RFTN1: variants seen among roughly 807,000 people sequenced by gnomAD.
The protein encoded by RFTN1 is raftlin.
RFTN1 carries 26 observed loss-of-function variants against 46.5 expected under a neutral mutation model. That is an observed-to-expected ratio of 0.56 (90% CI 0.41 to 0.78). The LOEUF (loss-of-function observed/expected upper bound fraction) is 0.78. RFTN1 is among the 30% of genes least tolerant of loss of function. The probability of loss-of-function intolerance (pLI) is 0.00; values close to 1 mark genes in which losing one functional copy is unlikely to be tolerated. For missense variants in RFTN1, 693 were observed against 718.7 expected, an observed-to-expected ratio of 0.96 and a Z score of 0.41; for synonymous variants, 261 against 284.2, an observed-to-expected ratio of 0.92 and a Z score of 0.82.
chr3:16,501,710 C>T (rs1309798882), intron 1 of RFTN1, among the ~76,000 whole-genome samples: 1 of 152,220 alleles, frequency 6.6e-6, no homozygotes, highest in Non-Finnish European at 1.5e-5. Context: ...AAAGTAAGAA[C>T]TGATCATCCA....
chr3:16,377,205 A>ATCCCTT (rs2073808728), intron 5 of RFTN1, among the ~76,000 whole-genome samples: 1 of 152,076 alleles, frequency 6.6e-6, no homozygotes, highest in Non-Finnish European at 1.5e-5. Flanking sequence ...AAGACCAAGC[A>ATCCCTT]GAGAGGCGTG....
intron 7 of RFTN1, among the ~76,000 whole-genome samples, chr3:16,350,713 T>G (rs767000253): frequency 3.9e-4 from 59 of 152,096 alleles, no homozygotes; most frequent in Non-Finnish European, 7.8e-4. Context: ...TGGGAGGGGT[T>G]TGGGTGTTGA....
At chr3:16,401,777 C>T (rs2074607747) in intron 4 of RFTN1, among the ~76,000 whole-genome samples, 1 of 152,202 alleles carries the variant, frequency 6.6e-6, no homozygotes, top group Non-Finnish European at 1.5e-5. Flanking sequence ...AGAAACCTCA[C>T]AAGAAAATAT....
intron 1 of RFTN1, among the ~76,000 whole-genome samples, chr3:16,510,394 T>A (rs2076877946): frequency 6.6e-6 from 1 of 152,190 alleles, no homozygotes; most frequent in African/African-American, 2.4e-5. Flanking sequence ...CAATCAATCT[T>A]CTTTCACAAC....
intron 4 of RFTN1, among the ~76,000 whole-genome samples, chr3:16,404,184 A>ATT (rs370069999): frequency 0.025 from 2 of 80 alleles, 1 homozygote; most frequent in Non-Finnish European, 0.042. Context: ...TTTTATATAT[A>ATT]ATATATAATA....
intron 5 of RFTN1, among the ~76,000 whole-genome samples, chr3:16,377,094 G>A (rs1369266356): frequency 1.3e-5 from 2 of 152,052 alleles, no homozygotes; most frequent in Non-Finnish European, 2.9e-5. Flanking sequence ...ATTTCCTGAA[G>A]AAAGTAGAGA....
At chr3:16,357,810 C>T (rs1575114181) in intron 7 of RFTN1, 122 bp downstream of exon 7, 1 of 676,654 alleles carries the variant, frequency 1.5e-6, no homozygotes, top group South Asian at 1.8e-5. Flanking sequence ...TAGGACCTAC[C>T]AGGTCAACTC....
In RFTN1 at chr3:16,481,418, G is replaced by T. The variant is rs1285033530; in HGVS notation, c.145+12307C>A. Reference sequence around the variant, plus strand: ...TTCCTTATTACTCTTTGCATCTTCTGTTTAAAAACATGGTCTGTTTTTAAC... The same window carrying T: ...TTCCTTATTACTCTTTGCATCTTCTTTTTAAAAACATGGTCTGTTTTTAAC... On this transcript the variant is annotated intron_variant, in intron 2 of 9. Coordinates refer to ENST00000334133, the MANE Select transcript of RFTN1 (RefSeq NM_015150.2). The surrounding 1 kb of genome is among the most constrained non-coding windows in gnomAD (Gnocchi z 5.1). Among the ~76,000 whole-genome samples, 1 of 152,022 alleles carries T rather than the reference G, an allele frequency of 6.6e-6. No homozygotes were observed. The highest frequency in any genetic ancestry group is 1.5e-5 in the Non-Finnish European group (1 of 68,006).
Position 16,345,915 on chromosome 3 carries a change from G to C in RFTN1, c.1146+12017C>G, listed in dbSNP as rs549587769. 21 of 151,850 alleles carry C rather than the reference G, an allele frequency of 1.4e-4. No individual in the cohort carries two copies. The highest frequency in any genetic ancestry group is 4.8e-4 in the African/African-American group (20 of 41,382). The allele number at this position is 151,850 out of a possible 1,614,324, so 9.4% of individuals were successfully genotyped here. On this transcript the variant is annotated intron_variant, in intron 7 of 9. Transcript: ENST00000334133. This position sits in a 1 kb window ranked among gnomAD's most constrained non-coding sequence, Gnocchi z 5.2. Reference sequence around the variant, plus strand: ...GAGAACCCTAATACACTTCTTTCTTGTTGTTCTGTGGCATACACTGAATAT... The same window carrying C: ...GAGAACCCTAATACACTTCTTTCTTCTTGTTCTGTGGCATACACTGAATAT...
At chr3:16,405,751 TTTTGAG>T (rs1408732232) in intron 4 of RFTN1, among the ~76,000 whole-genome samples, 6 of 152,346 alleles carry the variant, frequency 3.9e-5, no homozygotes, top group African/African-American at 1.4e-4. Flanking sequence ...AATCTAATCC[TTTTGAG>T]TTTAATTCTA....
chr3:16,339,826 C>G (rs962933678), intron 7 of RFTN1: 4 of 152,140 alleles, frequency 2.6e-5, no homozygotes, highest in African/African-American at 9.7e-5. Flanking sequence ...AGTATTTGTT[C>G]GATAATTAGT....
intron 1 of RFTN1, among the ~76,000 whole-genome samples, chr3:16,496,557 C>T (rs79475731): frequency 0.068 from 10,338 of 152,148 alleles, 499 homozygotes; most frequent in Middle Eastern, 0.13. Context: ...CAGAATAGCT[C>T]GACATTTTAA....
intron 2 of RFTN1, among the ~76,000 whole-genome samples, chr3:16,454,451 G>A (rs1478599463): frequency 1.3e-5 from 2 of 152,118 alleles, no homozygotes; most frequent in Admixed American, 1.3e-4. Flanking sequence ...TCAATAACCA[G>A]GGCCATTGAC....
At chr3:16,377,483 T>A (rs1415762998) in intron 5 of RFTN1, among the ~76,000 whole-genome samples, 1 of 152,222 alleles carries the variant, frequency 6.6e-6, no homozygotes, top group Non-Finnish European at 1.5e-5. Context: ...CGTGACATTT[T>A]GGAGCAAACT....
At chr3:16,324,646 T>TTGTGTGTGTGTGTGTGTGTGTG (rs71632869) in intron 8 of RFTN1, among the ~76,000 whole-genome samples, 6 of 100,468 alleles carry the variant, frequency 6.0e-5, no homozygotes, top group East Asian at 3.0e-4. Context: ...TAGTATTCCA[T>TTGTGTGTGTGTGTGTGTGTGTG]TGTGTGTGTG....
At chr3:16,437,651 C>CTAAATAAA (rs561853711) in intron 2 of RFTN1, among the ~76,000 whole-genome samples, 8 of 151,808 alleles carry the variant, frequency 5.3e-5, no homozygotes, top group African/African-American at 1.7e-4. Context: ...GACAGAGTTA[C>CTAAATAAA]TAAATAAATA....
rs1240001705 is a variant in RFTN1, at chr3:16,383,944, ATTGT to A, written c.442-5846_442-5843del. 4.6e-5 allele frequency among the ~76,000 whole-genome samples: 7 copies of A among 152,320 alleles called. No individual in the cohort carries two copies. Among genetic ancestry groups the A allele is most frequent in the South Asian group, 2.1e-4 (1 of 4,828 alleles). ...CCACTTGACTGAACTATGGTGACCA[ATTGT>A]TTGGTAAAACTCTAGTCTAGATGTT... On this transcript the variant is annotated intron_variant, in intron 4 of 9. Transcript: ENST00000334133. The surrounding 1 kb of genome is among the most constrained non-coding windows in gnomAD (Gnocchi z 4.0).
At chr3:16,323,567 A>G in intron 8 of RFTN1, 110 bp from the exon 9 acceptor site, 1 of 750,750 alleles carries the variant, frequency 1.3e-6, no homozygotes, top group Non-Finnish European at 2.3e-6. Context: ...CCACAGGATT[A>G]TGACAGGTTA....
chr3:16,453,731 A>AGTTACACAGTG (rs1287359305), intron 2 of RFTN1, among the ~76,000 whole-genome samples: 1 of 152,262 alleles, frequency 6.6e-6, no homozygotes, highest in Non-Finnish European at 1.5e-5. Flanking sequence ...AAATAAGAAT[A>AGTTACACAGTG]GTTACACAGT....
Sources: allele counts gnomAD v4.1 joint callset (sites outside exome capture counted in the v4.1 genomes callset), GRCh38; gene constraint gnomAD v4.1.1; non-coding constraint Gnocchi (gnomAD v3.1); transcripts MANE v1.5; gene names NCBI Gene and HGNC (gene_info 2026-07-23, HGNC 2026-07-21).